The following NCOA1 variants were observed in gnomAD, a reference collection of about 807,000 sequenced individuals.
NCOA1 encodes the protein nuclear receptor coactivator 1, also known as Hin-2 protein.
Under a neutral mutation model 150.9 loss-of-function variants are expected in NCOA1, and 35 were observed. The observed-to-expected ratio is 0.23, with a 90% CI of 0.18 to 0.31. The LOEUF (loss-of-function observed/expected upper bound fraction) is 0.31. NCOA1 is among the 10% of genes least tolerant of loss of function. The pLI, the probability that NCOA1 is intolerant of heterozygous loss-of-function variation, is 1.00. For missense variants in NCOA1, 1,491 were observed against 1,749.3 expected, an observed-to-expected ratio of 0.85 and a Z score of 2.63; for synonymous variants, 590 against 630.0, an observed-to-expected ratio of 0.94 and a Z score of 0.95.
At chr2:24,538,036 TAAG>T (rs1264108524) in intron 1 of NCOA1, among the ~76,000 whole-genome samples, 1 of 152,232 alleles carries the variant, frequency 6.6e-6, no homozygotes, top group East Asian at 1.9e-4. Flanking sequence ...GCTTCAGTGT[TAAG>T]AAATGACTTT....
At chr2:24,500,695 C>A (rs922619325) in intron 1 of NCOA1, among the ~76,000 whole-genome samples, 3 of 152,108 alleles carry the variant, frequency 2.0e-5, no homozygotes, top group African/African-American at 7.2e-5. Context: ...AGTATTTTTT[C>A]ACAAAAAGAC....
At chr2:24,735,293 C>A (rs1477811651) in intron 17 of NCOA1, among the ~76,000 whole-genome samples, 1 of 152,114 alleles carries the variant, frequency 6.6e-6, no homozygotes, top group Non-Finnish European at 1.5e-5. Flanking sequence ...AGTTTGTAAT[C>A]TGCTATTCAT....
At chr2:24,755,549 C>G (rs942014318) in intron 20 of NCOA1, among the ~76,000 whole-genome samples, 8 of 152,176 alleles carry the variant, frequency 5.3e-5, no homozygotes, top group Non-Finnish European at 1.0e-4. Flanking sequence ...CCTGAGAAAA[C>G]TGTGATAGCT....
intron 1 of NCOA1, among the ~76,000 whole-genome samples, chr2:24,523,694 G>A (rs1376474386): frequency 1.4e-5 from 2 of 147,344 alleles, no homozygotes; most frequent in African/African-American, 2.5e-5. Flanking sequence ...TTCGGAGGCC[G>A]AGGTGGGCGG....
At chr2:24,597,187 G>A (rs1454887017) in intron 3 of NCOA1, among the ~76,000 whole-genome samples, 1 of 152,070 alleles carries the variant, frequency 6.6e-6, no homozygotes, top group African/African-American at 2.4e-5. Context: ...TTGTTCCCAT[G>A]AATAGTATCC....
At position 24,620,038 on chromosome 2, in the gene NCOA1, C is replaced by G. The variant is rs926283050; in HGVS notation, c.-174-23928C>G. The stretch of plus-strand genomic sequence containing the variant: ...AGCCTACCCTCTCAGTCTTTTCAGA[C>G]TCCTCAGTCGTTCCTCATACTTACT... On this transcript the variant is annotated intron_variant, in intron 3 of 22. Coordinates refer to ENST00000348332, the MANE Select transcript of NCOA1 (RefSeq NM_003743.5). 2.0e-5 allele frequency among the ~76,000 whole-genome samples: 3 copies of G among 152,132 alleles called. No homozygotes were observed. The South Asian group carries it at 6.2e-4, about 32-fold the overall frequency.
At chr2:24,494,549 C>T (rs1047439782) in intron 1 of NCOA1, among the ~76,000 whole-genome samples, 2 of 152,172 alleles carry the variant, frequency 1.3e-5, no homozygotes, top group South Asian at 2.1e-4. Context: ...ATCCCCGGGA[C>T]GCTCATGATT....
At chr2:24,514,285 CAAAAAAAAAAA>C (rs57412614) in intron 1 of NCOA1, among the ~76,000 whole-genome samples, 1 of 32,958 alleles carries the variant, frequency 3.0e-5, no homozygotes, top group African/African-American at 1.3e-4. Flanking sequence ...GACTCTGTCT[CAAAAAAAAAAA>C]AAAAAAAAAA....
chr2:24,619,789 ATTATAG>A (rs1204317549), intron 3 of NCOA1, among the ~76,000 whole-genome samples: 1 of 152,220 alleles, frequency 6.6e-6, no homozygotes, highest in Non-Finnish European at 1.5e-5. Flanking sequence ...TTTAAAAATA[ATTATAG>A]TTATATAATT....
chr2:24,716,163 A>AAT, intron 14 of NCOA1, among the ~76,000 whole-genome samples: 1 of 151,668 alleles, frequency 6.6e-6, no homozygotes, highest in Non-Finnish European at 1.5e-5. Flanking sequence ...AAAAAAAAAA[A>AAT]ATCTGAGCAG....
intron 1 of NCOA1, among the ~76,000 whole-genome samples, chr2:24,551,137 T>C (rs1665815929): frequency 6.6e-6 from 1 of 151,868 alleles, no homozygotes; most frequent in Non-Finnish European, 1.5e-5. Context: ...CATTTGTGGT[T>C]GTCTTTTTTT....
At chr2:24,761,991 C>A (rs964636561) in intron 21 of NCOA1, among the ~76,000 whole-genome samples, 2 of 152,232 alleles carry the variant, frequency 1.3e-5, no homozygotes, top group Non-Finnish European at 2.9e-5. Context: ...CTGATTAGTA[C>A]TGAGCTTCAG....
At chr2:24,726,295 A>G (rs1189086167) in intron 14 of NCOA1, among the ~76,000 whole-genome samples, 3 of 152,336 alleles carry the variant, frequency 2.0e-5, no homozygotes, top group Admixed American at 1.3e-4. Flanking sequence ...TGTTAAATTT[A>G]TCTTTAAGAT....
At chr2:24,675,758 G>A (rs942429280) in intron 7 of NCOA1, among the ~76,000 whole-genome samples, 1 of 152,114 alleles carries the variant, frequency 6.6e-6, no homozygotes, top group African/African-American at 2.4e-5. Flanking sequence ...GGTGGTGAGC[G>A]CCTGTAATCC....
At chr2:24,654,292 C>T (rs1670831220) in intron 4 of NCOA1, among the ~76,000 whole-genome samples, 1 of 152,158 alleles carries the variant, frequency 6.6e-6, no homozygotes, top group African/African-American at 2.4e-5. Context: ...CAAAGGCCAA[C>T]TAGGCTTCTA....
intron 3 of NCOA1, among the ~76,000 whole-genome samples, chr2:24,630,813 TA>T (rs11426936): frequency 4.6e-5 from 7 of 152,064 alleles, no homozygotes; most frequent in African/African-American, 1.7e-4. Flanking sequence ...AAGTGAAAGA[TA>T]AAAAAACAAG....
intron 3 of NCOA1, among the ~76,000 whole-genome samples, chr2:24,628,857 A>G (rs1260300113): frequency 6.6e-6 from 1 of 152,206 alleles, no homozygotes; most frequent in Non-Finnish European, 1.5e-5. Context: ...AAAGCATAGT[A>G]TGCTTTGGGG....
At chr2:24,752,647 T>A (rs1478181435) in intron 20 of NCOA1, among the ~76,000 whole-genome samples, 5 of 152,316 alleles carry the variant, frequency 3.3e-5, no homozygotes, top group African/African-American at 7.2e-5. Flanking sequence ...GGTACTTTTT[T>A]AAAAGTTTTT....
chr2:24,635,729 A>G (rs1669911297), intron 3 of NCOA1, among the ~76,000 whole-genome samples: 1 of 152,204 alleles, frequency 6.6e-6, no homozygotes, highest in Admixed American at 6.5e-5. Flanking sequence ...GTTTATTACA[A>G]ATGCAGATAA....
Sources: allele counts gnomAD v4.1 joint callset (sites outside exome capture counted in the v4.1 genomes callset), GRCh38; gene constraint gnomAD v4.1.1; transcripts MANE v1.5; gene names NCBI Gene and HGNC (gene_info 2026-07-23, HGNC 2026-07-21).